The following LRRC34 variants were observed in gnomAD, a reference collection of about 807,000 sequenced individuals.
LRRC34 encodes leucine-rich repeat-containing protein 34.
A neutral mutation model predicts 48.5 loss-of-function variants in LRRC34; 44 were observed. That is an observed-to-expected ratio of 0.91 (90% CI 0.71 to 1.17). The LOEUF (loss-of-function observed/expected upper bound fraction) is 1.17. LRRC34 is among the 50% of genes most tolerant of loss of function. The pLI, the probability that LRRC34 is intolerant of heterozygous loss-of-function variation, is 0.00. For synonymous variants in LRRC34, 192 were observed against 197.6 expected (o/e 0.97, Z 0.24); for missense variants, 502 against 563.0 (o/e 0.89, Z 1.10).
chr3:169,794,973 A>G (rs1778938215), intron 10 of LRRC34: 1 of 152,096 alleles, frequency 6.6e-6, no homozygotes, highest in African/African-American at 2.4e-5. Context: ...TCTATGTTTT[A>G]TTACTCTTTT....
intron 7 of LRRC34, among the ~76,000 whole-genome samples, chr3:169,799,551 G>A (rs544480258): frequency 6.6e-6 from 1 of 152,322 alleles, no homozygotes; most frequent in East Asian, 1.9e-4. Context: ...CAGCCACTCA[G>A]GAAGCTGAGG....
At chr3:169,796,546 A>G in intron 8 of LRRC34, 177 bp from the exon 9 acceptor site, 1 of 926,810 alleles carries the variant, frequency 1.1e-6, no homozygotes, top group Non-Finnish European at 1.6e-6. Context: ...ATTCTTGTTT[A>G]CACAACTAAA....
At position 169,806,876 on chromosome 3, in the gene LRRC34, C is replaced by T. The variant is rs1250983009; in HGVS notation, c.500G>A (p.Gly167Asp). The T allele has an allele frequency of 6.2e-7, 1 of 1,607,246 alleles. No individual in the cohort carries two copies. The highest frequency in any genetic ancestry group is 8.5e-7 in the Non-Finnish European group (1 of 1,174,996). Reference protein sequence around the residue: ...NLMFNDIGPEGGELIAKVLHK... With the variant: ...NLMFNDIGPEDGELIAKVLHK... ...TAGCACTTTAGCAATCAATTCTCCA[C>T]CTTCGGGCCCAATATCATTAAACAT... is the stretch of plus-strand genomic sequence containing the variant. The change falls in exon 5 of 11, where the codon GGT (glycine) becomes GAT (aspartate). Residue 167 changes from glycine to aspartate, a missense_variant. By Grantham distance (94) the Gly-to-Asp change is moderately conservative. Transcript: ENST00000446859.
rs758295365 is a variant in LRRC34 at position 169,804,174 on chromosome 3, C to T, written c.536G>A (p.Arg179Gln). ...AGTCATTCTTAGGTATTTCAGAGTC[C>T]GATTCTTCTGAAAAGGAAAAAAAAC... ...ELIAKVLHKN[R>Q]TLKYLRMTGN... Residue 179 changes from arginine to glutamine, a missense_variant, in exon 6 of 11, where the codon CGG becomes CAG. Physicochemically the swap from Arg to Gln is conservative, Grantham distance 43. Coordinates refer to ENST00000446859, the MANE Select transcript of LRRC34 (RefSeq NM_001172779.2). The T allele has an allele frequency of 4.5e-6, 7 of 1,571,080 alleles. No individual in the cohort carries two copies. The highest frequency in any genetic ancestry group is 4.6e-5 in the East Asian group (2 of 43,710).
rs1353019986 is a variant in LRRC34, at chr3:169,812,268, C to T, written c.139+142G>A. The T allele has an allele frequency of 8.6e-7, 1 of 1,165,500 alleles. No homozygotes were observed. Among genetic ancestry groups the T allele is most frequent in the Non-Finnish European group, 1.1e-6 (1 of 872,170 alleles). The allele number at this position is 1,165,500 out of a possible 1,614,324, so 72.2% of individuals were successfully genotyped here. ...TCTGGGCGCCCCAAACCTCTGGCCA[C>T]AGCTGGGGTTCCCAGGGGCCCCCCT... is the stretch of plus-strand genomic sequence containing the variant. On this transcript the variant is annotated intron_variant, in intron 1 of 10. Coordinates refer to ENST00000446859, the MANE Select transcript of LRRC34 (RefSeq NM_001172779.2). The surrounding 1 kb of genome is among the most constrained non-coding windows in gnomAD (Gnocchi z 4.3).
intron 1 of LRRC34, among the ~76,000 whole-genome samples, chr3:169,810,432 A>G (rs1433192514): frequency 6.6e-6 from 1 of 152,150 alleles, no homozygotes; most frequent in East Asian, 1.9e-4. Context: ...TTATATTGTA[A>G]GCAGTTTTCC....
At chr3:169,803,546 T>C (rs1284116592) in intron 6 of LRRC34, among the ~76,000 whole-genome samples, 1 of 152,244 alleles carries the variant, frequency 6.6e-6, no homozygotes, top group African/African-American at 2.4e-5. Context: ...TTCTCCTGCC[T>C]CAGCCTCCTG....
At position 169,804,004 on chromosome 3, in the gene LRRC34, C is replaced by G. The variant is rs187253855; in HGVS notation, c.657+49G>C. 2,070 of 1,466,668 alleles carry G rather than the reference C, an allele frequency of 1.4e-3. 1 individual carries two copies. The highest frequency in any genetic ancestry group is 1.7e-3 in the Non-Finnish European group (1,872 of 1,103,036). The allele number at this position is 1,466,668 out of a possible 1,614,324, so 90.9% of individuals were successfully genotyped here. On this transcript the variant is annotated intron_variant, in intron 6 of 10. Transcript: ENST00000446859. ...TTCATAAGACTCTGATTTAGCTGTTCTCTAATGACCCACTATCTGGATGAT... is the reference window on the plus strand; with the variant it reads ...TTCATAAGACTCTGATTTAGCTGTTGTCTAATGACCCACTATCTGGATGAT...
intron 2 of LRRC34, chr3:169,807,983 T>C: frequency 3.1e-6 from 1 of 326,696 alleles, no homozygotes; most frequent in Non-Finnish European, 5.5e-6. Flanking sequence ...CCCCACTTTA[T>C]AGATAACACT....
chr3:169,805,884 C>CAAAA (rs372353857), intron 5 of LRRC34, among the ~76,000 whole-genome samples: 2 of 54,824 alleles, frequency 3.6e-5, no homozygotes, highest in African/African-American at 4.9e-5. Context: ...AACTCCATCT[C>CAAAA]AAAAAAAAAA....
chr3:169,812,881 G>A lies in LRRC34; in HGVS notation c.-333C>T. 3.2e-6 allele frequency: 1 copy of A among 310,316 alleles called. No homozygotes were observed. The allele number at this position is 310,316 out of a possible 1,614,324, so 19.2% of individuals were successfully genotyped here. A position where few individuals can be genotyped will look rare whatever the true frequency, so the allele number is the denominator to read the frequency against. ...CCTGCCGGGCCAGCGAAGAAGCAGA[G>A]TAGCATCAGCACATGATAAAGGCGT... On this transcript the variant is annotated 5_prime_UTR_variant, in exon 1 of 11. Transcript: ENST00000446859. This position sits in a 1 kb window ranked among gnomAD's most constrained non-coding sequence, Gnocchi z 4.3.
intron 1 of LRRC34, among the ~76,000 whole-genome samples, chr3:169,810,234 C>T (rs1031526599): frequency 3.3e-5 from 5 of 151,804 alleles, no homozygotes; most frequent in African/African-American, 4.8e-5. Context: ...CCACTGAGCC[C>T]GACCGGAAAT....
chr3:169,795,986 T>C, intron 9 of LRRC34: 4 of 1,229,718 alleles, frequency 3.3e-6, no homozygotes, highest in African/African-American at 3.1e-5. Context: ...ATATAAGCAA[T>C]GCAAATTTTC....
chr3:169,804,745 A>G (rs1779316837), intron 5 of LRRC34, among the ~76,000 whole-genome samples: 1 of 152,266 alleles, frequency 6.6e-6, no homozygotes, highest in South Asian at 2.1e-4. Flanking sequence ...TCACTGGAAA[A>G]ATCTGTAAAT....
At chr3:169,797,963 A>G (rs913221443) in intron 7 of LRRC34, among the ~76,000 whole-genome samples, 5 of 152,228 alleles carry the variant, frequency 3.3e-5, no homozygotes, top group African/African-American at 1.2e-4. Flanking sequence ...CCTACAAAGC[A>G]TTTATTATTG....
At chr3:169,808,867 A>T (rs1037069637) in intron 1 of LRRC34, 122 bp from the exon 2 acceptor site, 1 of 596,658 alleles carries the variant, frequency 1.7e-6, no homozygotes, top group Non-Finnish European at 3.0e-6. Context: ...TAGGGAAGAA[A>T]AGGAAACAGA....
chr3:169,802,763 G>A (rs1008890369), intron 6 of LRRC34, among the ~76,000 whole-genome samples: 2 of 151,904 alleles, frequency 1.3e-5, no homozygotes, highest in African/African-American at 2.4e-5. Context: ...ACCTGAGGTC[G>A]GGAGTTTGAG....
chr3:169,793,377 A>G lies in LRRC34; in HGVS notation c.*258T>C. The G allele has an allele frequency of 6.5e-6, 2 of 305,786 alleles. No individual in the cohort carries two copies. The allele number at this position is 305,786 out of a possible 1,614,324, so 18.9% of individuals were successfully genotyped here. On this transcript the variant is annotated 3_prime_UTR_variant, in exon 11 of 11. Coordinates refer to ENST00000446859, the MANE Select transcript of LRRC34 (RefSeq NM_001172779.2). ...ACTACTTGGTTATATTTTCATTATAAAAAGAAATTTAGTCTAGTTCCTTGG... is the reference window on the plus strand; with the variant it reads ...ACTACTTGGTTATATTTTCATTATAGAAAGAAATTTAGTCTAGTTCCTTGG...
At chr3:169,795,678 G>C (rs960133599) in intron 9 of LRRC34, 67 bp from the exon 10 acceptor site, 2 of 1,555,008 alleles carry the variant, frequency 1.3e-6, no homozygotes, top group African/African-American at 2.7e-5. Flanking sequence ...ACACTTTCTT[G>C]TGTAGTCTTA....
Sources: gnomAD v4.1 joint callset for allele counts (sites outside exome capture counted in the v4.1 genomes callset) on GRCh38, gnomAD v4.1.1 for gene constraint, Gnocchi (gnomAD v3.1) non-coding constraint, MANE v1.5 for transcripts, NCBI Gene and HGNC (gene_info 2026-07-23, HGNC 2026-07-21) for gene names.